Variants in POLD3 observed in about 807,000 individuals in gnomAD.
POLD3 encodes the protein DNA polymerase delta 3, accessory subunit.
Under a neutral mutation model 58.2 loss-of-function variants are expected in POLD3, and 19 were observed. The ratio of observed to expected loss-of-function variants is 0.33; its 90% CI spans 0.23 to 0.48. The LOEUF (loss-of-function observed/expected upper bound fraction) is 0.48. Among genes scored for constraint, POLD3 ranks in the 20% least tolerant of loss-of-function variants. POLD3 has a pLI of 0.99. For synonymous variants in POLD3, 172 were observed against 193.5 expected (o/e 0.89, Z 0.92); for missense variants, 504 against 545.5 (o/e 0.92, Z 0.76).
At chr11:74,649,713 A>C (rs1382848349) in intron 4 of POLD3, among the ~76,000 whole-genome samples, 1 of 147,010 alleles carries the variant, frequency 6.8e-6, no homozygotes. Flanking sequence ...GCAGCAAGAG[A>C]CAGTTGCTTT....
Position 74,614,180 on chromosome 11 carries a change from G to A in POLD3, c.392+1170G>A, listed in dbSNP as rs554040536. ...TAAAAATTTAGACTCTATTCTGAGA[G>A]CGCTGGGGAGCCACTGAAAATATTT... On this transcript the variant is annotated intron_variant, in intron 5 of 11. Coordinates refer to ENST00000263681, the MANE Select transcript of POLD3 (RefSeq NM_006591.3). Among the ~76,000 whole-genome samples the A allele has an allele frequency of 9.5e-4, 145 of 152,352 alleles. 1 individual carries two copies. The highest frequency in any genetic ancestry group is 1.7e-3 in the South Asian group (8 of 4,828).
Position 74,642,653 on chromosome 11 carries a change from GT to G in POLD3, c.*1897del, listed in dbSNP as rs71471315. On this transcript the variant is annotated 3_prime_UTR_variant, in exon 12 of 12. Coordinates refer to ENST00000263681, the MANE Select transcript of POLD3 (RefSeq NM_006591.3). ...CAAGGCTTAGTAAGTATTGAGTGGTGTTTTTTTTTTCTTTTTATACAATACC... is the reference window on the plus strand; with the variant it reads ...CAAGGCTTAGTAAGTATTGAGTGGTGTTTTTTTTTCTTTTTATACAATACC... 66 of 885,602 alleles carry G rather than the reference GT, an allele frequency of 7.5e-5. No homozygotes were observed. Among genetic ancestry groups the G allele is most frequent in the East Asian group, 1.2e-4 (1 of 8,348 alleles). The allele number at this position is 885,602 out of a possible 1,614,324, so 54.9% of individuals were successfully genotyped here. A position where few individuals can be genotyped will look rare whatever the true frequency, so the allele number is the denominator to read the frequency against.
rs556096778 is a variant in POLD3 at position 74,620,328 on chromosome 11, C to T, written c.733+239C>T. ...CAGTTTATTATTCCTGGTTTAACTT[C>T]CTGCCTTGAAAAGATAATGAACTAT... is the stretch of plus-strand genomic sequence containing the variant. On this transcript the variant is annotated intron_variant, in intron 7 of 11. Coordinates refer to ENST00000263681, the MANE Select transcript of POLD3 (RefSeq NM_006591.3). Among the ~76,000 whole-genome samples the T allele has an allele frequency of 6.6e-5, 10 of 152,216 alleles. No homozygotes were observed. In the South Asian group the frequency reaches 2.1e-3, roughly 32 times the overall value.
chr11:74,592,692 G>A lies in POLD3; in HGVS notation c.34G>A (p.Glu12Lys). The change falls in exon 1 of 12, where the codon GAG becomes AAG. Residue 12 changes from glutamate to lysine, a missense_variant. Physicochemically the swap from Glu to Lys is moderately conservative, Grantham distance 56 (BLOSUM62 1). Transcript: ENST00000263681. ...CCAGCTTTATCTGGAAAATATAGAC[G>A]AGTTCGTCACGGACCAAAACAAGAT... is the stretch of plus-strand genomic sequence containing the variant. ...ADQLYLENID[E>K]FVTDQNKIVT... 6.2e-7 allele frequency: 1 copy of A among 1,614,036 alleles called. No individual in the cohort carries two copies. The highest frequency in any genetic ancestry group is 8.5e-7 in the Non-Finnish European group (1 of 1,179,948).
intron 8 of POLD3, among the ~76,000 whole-genome samples, chr11:74,626,783 G>A (rs1479764199): frequency 1.3e-5 from 2 of 152,090 alleles, no homozygotes; most frequent in Non-Finnish European, 2.9e-5. Flanking sequence ...TCAACAATGG[G>A]CTGCATATAT....
chr11:74,653,964 A>T (rs1037349300), intron 4 of POLD3, among the ~76,000 whole-genome samples: 1 of 152,208 alleles, frequency 6.6e-6, no homozygotes, highest in African/African-American at 2.4e-5. Flanking sequence ...AAGCAGGAAC[A>T]GGCATGTCAC....
Position 74,665,546 on chromosome 11 carries a change from A to G in POLD3, c.370-3231A>G, listed in dbSNP as rs2033258485. Among the ~76,000 whole-genome samples the G allele has an allele frequency of 2.0e-5, 3 of 151,824 alleles. No homozygotes were observed. The South Asian group carries it at 6.2e-4, about 32-fold the overall frequency. ...CTCCAGAGTAGCTGCAATTACAGGC[A>G]TGCGCTACCACACCCGGCTAATTTT... On this transcript the variant is annotated intron_variant, in intron 4 of 4. Coordinates refer to the POLD3 transcript ENST00000524752.
downstream of POLD3, among the ~76,000 whole-genome samples, chr11:74,645,639 C>T (rs763791062): frequency 2.6e-5 from 4 of 152,156 alleles, no homozygotes; most frequent in African/African-American, 4.8e-5. Flanking sequence ...TGCTTTAGGG[C>T]GTTAATGAAA....
At chr11:74,624,003 T>A (rs551547345) in intron 7 of POLD3, among the ~76,000 whole-genome samples, 3 of 152,226 alleles carry the variant, frequency 2.0e-5, no homozygotes, top group Non-Finnish European at 4.4e-5. Context: ...TTTCTGTAAT[T>A]GGTAAACTCA....
At chr11:74,665,113 AAAAATAAAAT>A (rs1396587898) in intron 4 of POLD3, among the ~76,000 whole-genome samples, 3 of 148,706 alleles carry the variant, frequency 2.0e-5, no homozygotes, top group Non-Finnish European at 3.0e-5. Flanking sequence ...AAATAAAAAT[AAAAATAAAAT>A]AAATAAATAA....
chr11:74,619,191 A>G (rs1393977078), intron 6 of POLD3, among the ~76,000 whole-genome samples: 1 of 152,044 alleles, frequency 6.6e-6, no homozygotes, highest in Non-Finnish European at 1.5e-5. Flanking sequence ...CTTCCTTCCT[A>G]GTGTATTTCC....
chr11:74,611,577 G>T, intron 4 of POLD3, 39 bp downstream of exon 4: 1 of 1,205,256 alleles, frequency 8.3e-7, no homozygotes, highest in South Asian at 1.3e-5. Flanking sequence ...TTCCTCTTAT[G>T]GCATCAGTGT....
In POLD3 at chr11:74,592,605, G is replaced by T. The variant is rs1177257658; in HGVS notation, c.-54G>T. Reference sequence around the variant, plus strand: ...GCAAAGACGTTTCCCGCCGGCGGGAGCTGTGGCTGTGATTGAGAGAGGGGT... The same window carrying T: ...GCAAAGACGTTTCCCGCCGGCGGGATCTGTGGCTGTGATTGAGAGAGGGGT... On this transcript the variant is annotated 5_prime_UTR_variant, in exon 1 of 12. Coordinates refer to ENST00000263681, the MANE Select transcript of POLD3 (RefSeq NM_006591.3). The T allele has an allele frequency of 3.7e-6, 6 of 1,606,328 alleles. No individual in the cohort carries two copies. The African/African-American group carries it at 5.3e-5, about 14-fold the overall frequency.
At chr11:74,592,888 G>C (rs771622693) in intron 1 of POLD3, 170 bp downstream of exon 1, 110 of 1,444,916 alleles carry the variant, frequency 7.6e-5, no homozygotes, top group Middle Eastern at 7.3e-4. Flanking sequence ...GCGAGGACTC[G>C]TCGGGAAGGT....
chr11:74,593,244 G>C (rs1393656029), intron 1 of POLD3, among the ~76,000 whole-genome samples: 1 of 152,184 alleles, frequency 6.6e-6, no homozygotes, highest in Non-Finnish European at 1.5e-5. Flanking sequence ...ATGATTGAGT[G>C]CCTGCTGTGT....
At chr11:74,606,747 G>A (rs60629484) in intron 3 of POLD3, among the ~76,000 whole-genome samples, 1 of 152,260 alleles carries the variant, frequency 6.6e-6, no homozygotes, top group Admixed American at 6.5e-5. Context: ...GTGTTCCTCA[G>A]TGCATATTTC....
chr11:74,666,866 G>T (rs962286802), intron 4 of POLD3, among the ~76,000 whole-genome samples: 1 of 151,548 alleles, frequency 6.6e-6, no homozygotes. Flanking sequence ...AGACAGGCTG[G>T]TTATAGCATA....
intron 7 of POLD3, among the ~76,000 whole-genome samples, chr11:74,623,807 T>C (rs1380425350): frequency 2.0e-5 from 3 of 152,204 alleles, no homozygotes; most frequent in African/African-American, 7.2e-5. Flanking sequence ...ACAAAAAAAG[T>C]CATTAAATTT....
chr11:74,653,184 C>CA (rs1299838890), intron 4 of POLD3, among the ~76,000 whole-genome samples: 4 of 152,162 alleles, frequency 2.6e-5, no homozygotes, highest in Non-Finnish European at 1.5e-5. Flanking sequence ...CAAAGTATTG[C>CA]AAAAACCACA....
Sources: allele counts gnomAD v4.1 joint callset (sites outside exome capture counted in the v4.1 genomes callset), GRCh38; gene constraint gnomAD v4.1.1; transcripts MANE v1.5; gene names NCBI Gene and HGNC (gene_info 2026-07-23, HGNC 2026-07-21).